Variants in HMGCLL1 observed in about 807,000 individuals in gnomAD.
HMGCLL1 encodes 3-hydroxy-3-methylglutaryl-CoA lyase like 1.
HMGCLL1 carries 36 observed loss-of-function variants against 39.1 expected under a neutral mutation model. The ratio of observed to expected loss-of-function variants is 0.92; its 90% CI spans 0.71 to 1.22. The LOEUF (loss-of-function observed/expected upper bound fraction) is 1.22. Ranked by LOEUF, HMGCLL1 falls within the 50% of genes most tolerant of loss-of-function variation. HMGCLL1 has a pLI of 0.00. For synonymous variants in HMGCLL1, 149 were observed against 144.0 expected (o/e 1.03, Z -0.25); for missense variants, 451 against 416.5 (o/e 1.08, Z -0.72).
chr6:55,509,865 C>T (rs538468504), intron 5 of HMGCLL1, among the ~76,000 whole-genome samples: 4 of 151,706 alleles, frequency 2.6e-5, no homozygotes, highest in South Asian at 2.1e-4. Flanking sequence ...AAATAGTAGA[C>T]GAAGAGATGG....
intron 5 of HMGCLL1, among the ~76,000 whole-genome samples, chr6:55,507,800 T>G (rs1767246672): frequency 6.6e-6 from 1 of 151,816 alleles, no homozygotes. Context: ...TTATATTTTA[T>G]TTTGTAAACT....
intron 7 of HMGCLL1, among the ~76,000 whole-genome samples, chr6:55,472,264 C>T (rs9475303): frequency 0.2 from 30,848 of 151,532 alleles, 3,161 homozygotes; most frequent in African/African-American, 0.26. Flanking sequence ...ACCATTCGTT[C>T]CACATTTTTG....
At chr6:55,622,712 G>T in the HMGCLL1 span, among the ~76,000 whole-genome samples, 1 of 152,010 alleles carries the variant, frequency 6.6e-6, no homozygotes, top group Non-Finnish European at 1.5e-5. Context: ...AAATTGAACT[G>T]TAATTTTCTT....
the HMGCLL1 span, among the ~76,000 whole-genome samples, chr6:55,675,169 A>C: frequency 6.6e-6 from 1 of 152,132 alleles, no homozygotes; most frequent in South Asian, 2.1e-4. Context: ...GAATGCAATC[A>C]CTGGAAGTTG....
chr6:55,531,856 T>C (rs9475343), intron 3 of HMGCLL1, among the ~76,000 whole-genome samples: 41,293 of 152,080 alleles, frequency 0.27, 6,242 homozygotes, highest in African/African-American at 0.4. Flanking sequence ...GTCTTTATCA[T>C]CCCCATATGG....
the HMGCLL1 span, among the ~76,000 whole-genome samples, chr6:55,590,263 T>G: frequency 1.3e-5 from 2 of 151,612 alleles, no homozygotes; most frequent in Non-Finnish European, 2.9e-5. Context: ...TCTACAACTA[T>G]CTGATCTTTG....
chr6:55,648,197 C>G, the HMGCLL1 span, among the ~76,000 whole-genome samples: 148 of 140,966 alleles, frequency 1.0e-3, no homozygotes, highest in South Asian at 1.6e-3. Context: ...GGTTCCAAGT[C>G]TTTGCTATTG....
chr6:55,578,751 G>A (rs887390314), intron 1 of HMGCLL1, among the ~76,000 whole-genome samples, 197 bp downstream of exon 1: 1 of 152,196 alleles, frequency 6.6e-6, no homozygotes, highest in South Asian at 2.1e-4. Flanking sequence ...CTGTAGAGGC[G>A]GGTCGATACA....
intron 3 of HMGCLL1, among the ~76,000 whole-genome samples, chr6:55,521,802 T>C (rs980918021): frequency 1.3e-5 from 2 of 152,014 alleles, no homozygotes; most frequent in African/African-American, 4.8e-5. Flanking sequence ...AATGTTCAAG[T>C]GAAAGGAAGA....
the HMGCLL1 span, among the ~76,000 whole-genome samples, chr6:55,598,556 A>G: frequency 6.6e-6 from 1 of 152,186 alleles, no homozygotes; most frequent in Non-Finnish European, 1.5e-5. Flanking sequence ...CTGAAAGTCC[A>G]CCAGTCTCCA....
the HMGCLL1 span, among the ~76,000 whole-genome samples, chr6:55,627,119 G>T: frequency 6.6e-6 from 1 of 151,202 alleles, no homozygotes. Flanking sequence ...AATACAGAAG[G>T]GGTAGTAGAA....
the HMGCLL1 span, among the ~76,000 whole-genome samples, chr6:55,627,122 T>C: frequency 7.0e-6 from 1 of 142,118 alleles, no homozygotes; most frequent in African/African-American, 2.6e-5. Flanking sequence ...ACAGAAGGGG[T>C]AGTAGAAGAA....
At chr6:55,644,184 C>G in the HMGCLL1 span, among the ~76,000 whole-genome samples, 4 of 151,906 alleles carry the variant, frequency 2.6e-5, no homozygotes, top group East Asian at 1.9e-4. Context: ...TCATATGTCT[C>G]TTTGCCATTT....
chr6:55,540,140 C>T (rs972166123), intron 3 of HMGCLL1, among the ~76,000 whole-genome samples: 27 of 151,460 alleles, frequency 1.8e-4, no homozygotes, highest in Non-Finnish European at 3.1e-4. Flanking sequence ...GAAAGTATGA[C>T]GAATGGAGAA....
chr6:55,562,103 T>C (rs1207484823), intron 1 of HMGCLL1, among the ~76,000 whole-genome samples: 1 of 152,184 alleles, frequency 6.6e-6, no homozygotes, highest in Non-Finnish European at 1.5e-5. Context: ...GTAGTTTATA[T>C]ATTTTCTTCT....
At chr6:55,577,105 C>G in intron 1 of HMGCLL1, 2 of 1,612,888 alleles carry the variant, frequency 1.2e-6, no homozygotes, top group Non-Finnish European at 1.7e-6. Flanking sequence ...CCGTGCCTGC[C>G]AAGGAGACTG....
the HMGCLL1 span, among the ~76,000 whole-genome samples, chr6:55,589,018 C>T: frequency 6.6e-6 from 1 of 152,050 alleles, no homozygotes; most frequent in African/African-American, 2.4e-5. Context: ...CTATTCCAAT[C>T]AATAGAAAAA....
chr6:55,669,432 C>T, the HMGCLL1 span, among the ~76,000 whole-genome samples: 1 of 151,860 alleles, frequency 6.6e-6, no homozygotes, highest in African/African-American at 2.4e-5. Context: ...AAACAAGACT[C>T]AGCCCCACAA....
intron 5 of HMGCLL1, among the ~76,000 whole-genome samples, chr6:55,507,022 T>C (rs1301101291): frequency 6.6e-6 from 1 of 151,628 alleles, no homozygotes; most frequent in Non-Finnish European, 1.5e-5. Flanking sequence ...GACATTAAAT[T>C]TGTGTGTGGA....
Sources: allele counts gnomAD v4.1 joint callset (sites outside exome capture counted in the v4.1 genomes callset), GRCh38; gene constraint gnomAD v4.1.1; transcripts MANE v1.5; gene names NCBI Gene and HGNC (gene_info 2026-07-23, HGNC 2026-07-21).